The following GEMIN8 variants were observed in gnomAD, a reference collection of about 807,000 sequenced individuals.
The protein encoded by GEMIN8 is gem nuclear organelle associated protein 8.
For synonymous variants in GEMIN8, 80 were observed against 78.5 expected (o/e 1.02, Z -0.10); for missense variants, 185 against 205.9 (o/e 0.90, Z 0.62).
chrX:14,012,618 C>T (rs1165160467), intron 4 of GEMIN8, among the ~76,000 whole-genome samples: 1 of 111,835 alleles, frequency 8.9e-6, no homozygotes, highest in Non-Finnish European at 1.9e-5. Flanking sequence ...CACAGCTGTA[C>T]CCCCAGACCT....
At chrX:13,984,367 G>C in the GEMIN8 span, among the ~76,000 whole-genome samples, 1 of 112,408 alleles carries the variant, frequency 8.9e-6, no homozygotes, top group African/African-American at 3.2e-5. Flanking sequence ...TTCAGGGAAT[G>C]ATTTATCTCA....
chrX:14,003,480 T>C (rs1923040238), downstream of GEMIN8, among the ~76,000 whole-genome samples: 2 of 112,827 alleles, frequency 1.8e-5, no homozygotes, highest in Admixed American at 1.9e-4. Flanking sequence ...GGGTTTTTCT[T>C]GTTTTAAAAT....
the GEMIN8 span, among the ~76,000 whole-genome samples, chrX:13,992,039 T>G: frequency 8.9e-6 from 1 of 112,479 alleles, no homozygotes; most frequent in South Asian, 3.7e-4. Flanking sequence ...ACAGTACTCG[T>G]CTACTGGCCA....
At chrX:13,991,549 C>T in the GEMIN8 span, among the ~76,000 whole-genome samples, 2 of 111,455 alleles carry the variant, frequency 1.8e-5, no homozygotes, top group Non-Finnish European at 3.8e-5. Flanking sequence ...TATGCTAATG[C>T]CTGTTCTACC....
intron 2 of GEMIN8, among the ~76,000 whole-genome samples, chrX:14,025,335 TAA>T (rs1288683439): frequency 1.0e-5 from 1 of 99,021 alleles, no homozygotes. Context: ...TTCTTTGCTT[TAA>T]AAAAAAAAAA....
At position 14,008,825 on chromosome X, in the gene GEMIN8, C is replaced by A; in HGVS notation, c.*88G>T. The A allele has an allele frequency of 1.1e-6, 1 of 938,290 alleles. No individual in the cohort carries two copies. Among genetic ancestry groups the A allele is most frequent in the Non-Finnish European group, 1.5e-6 (1 of 666,537 alleles). The allele number at this position is 938,290 out of a possible 1,213,427, so 77.3% of individuals were successfully genotyped here. ...CATGCCTGTACCCCAGTACAAAGTC[C>A]CCTTTCCCTAAGAAATGTACAGAAG... On this transcript the variant is annotated 3_prime_UTR_variant, in exon 5 of 5. Transcript: ENST00000680255.
At chrX:14,022,709 CACT>C (rs1924452779) in intron 2 of GEMIN8, among the ~76,000 whole-genome samples, 1 of 111,471 alleles carries the variant, frequency 9.0e-6, no homozygotes, top group African/African-American at 3.3e-5. Flanking sequence ...GAGACAAAAC[CACT>C]AACACAATGT....
the GEMIN8 span, among the ~76,000 whole-genome samples, chrX:13,999,528 A>G: frequency 9.0e-6 from 1 of 111,381 alleles, no homozygotes; most frequent in Admixed American, 9.6e-5. Flanking sequence ...CGCCCGCCTC[A>G]GCCTCCCAAA....
chrX:14,026,176 G>A lies in GEMIN8; in HGVS notation c.-70C>T, dbSNP rs753508671. 42 of 750,586 alleles carry A rather than the reference G, an allele frequency of 5.6e-5. No individual in the cohort carries two copies. The highest frequency in any genetic ancestry group is 7.0e-5 in the African/African-American group (3 of 43,152). The allele number at this position is 750,586 out of a possible 1,213,427, so 61.9% of individuals were successfully genotyped here. Reference sequence around the variant, plus strand: ...TGTCTCCCACTCTTTTATGGCACAAGCCTTCAGGGACTGAACAGTAACTTT... The same window carrying A: ...TGTCTCCCACTCTTTTATGGCACAAACCTTCAGGGACTGAACAGTAACTTT... On this transcript the variant is annotated 5_prime_UTR_variant, in exon 2 of 5. Coordinates refer to ENST00000680255, the MANE Select transcript of GEMIN8 (RefSeq NM_001042479.2).
At chrX:14,025,971 C>T in intron 2 of GEMIN8, 169 bp downstream of exon 2, 4 of 519,339 alleles carry the variant, frequency 7.7e-6, no homozygotes, top group Non-Finnish European at 9.4e-6. Flanking sequence ...ACTTAAGGAG[C>T]TAATAAGAAT....
rs779033647 is a variant in GEMIN8, at chrX:14,020,314, T to C, written c.236A>G (p.His79Arg). Residue 79 changes from histidine to arginine, a missense_variant, in exon 4 of 5, where the codon CAT becomes CGT. Physicochemically the swap from His to Arg is conservative, Grantham distance 29. Coordinates refer to ENST00000680255, the MANE Select transcript of GEMIN8 (RefSeq NM_001042479.2). ...EAAYPQSFYDHHVAWQDYPCS... is the reference protein window; with the variant it reads ...EAAYPQSFYDRHVAWQDYPCS... ...GGGGTAGTCCTGCCAGGCCACATGA[T>C]GGTCATAGAAGGACTGAGGATACGC... 9.9e-6 allele frequency: 12 copies of C among 1,208,677 alleles called. No individual in the cohort carries two copies. Among genetic ancestry groups the C allele is most frequent in the East Asian group, 3.0e-5 (1 of 33,842 alleles).
At chrX:14,016,215 T>C (rs1428655007) in intron 4 of GEMIN8, among the ~76,000 whole-genome samples, 1 of 112,208 alleles carries the variant, frequency 8.9e-6, no homozygotes, top group East Asian at 2.8e-4. Flanking sequence ...GGGAAGGCTG[T>C]AGGAGCATGA....
At chrX:14,023,798 C>T (rs146848462) in intron 2 of GEMIN8, among the ~76,000 whole-genome samples, 1 of 112,438 alleles carries the variant, frequency 8.9e-6, no homozygotes, top group Admixed American at 9.4e-5. Context: ...TAACAAGCAG[C>T]ACAGGAATTA....
rs758284221 is a variant in GEMIN8 at position 14,008,814 on chromosome X, A to T, written c.*99T>A. 7.1e-6 allele frequency: 6 copies of T among 847,672 alleles called. No individual in the cohort carries two copies. Among genetic ancestry groups the T allele is most frequent in the Admixed American group, 5.2e-5 (2 of 38,237 alleles). The allele number at this position is 847,672 out of a possible 1,213,427, so 69.9% of individuals were successfully genotyped here. The stretch of plus-strand genomic sequence containing the variant: ...ACTGTGGTGAACATGCCTGTACCCC[A>T]GTACAAAGTCCCCTTTCCCTAAGAA... On this transcript the variant is annotated 3_prime_UTR_variant, in exon 5 of 5. Transcript: ENST00000680255.
At chrX:13,988,827 C>T in the GEMIN8 span, 13 of 100,893 alleles carry the variant, frequency 1.3e-4, no homozygotes, top group African/African-American at 4.8e-4. Flanking sequence ...TAAGAAGTCA[C>T]GCCTGTTTCA....
chrX:13,995,268 A>G, the GEMIN8 span, among the ~76,000 whole-genome samples: 1 of 111,993 alleles, frequency 8.9e-6, no homozygotes, highest in East Asian at 2.8e-4. Flanking sequence ...TCACCCCTCA[A>G]TGACGCTTTC....
intron 4 of GEMIN8, 42 bp downstream of exon 4, chrX:14,020,036 G>T: frequency 1.3e-6 from 1 of 769,349 alleles, no homozygotes; most frequent in Non-Finnish European, 1.9e-6. Context: ...TAAAAGGCAG[G>T]GCAAGGAAAG....
intron 4 of GEMIN8, among the ~76,000 whole-genome samples, chrX:14,016,058 C>T (rs1446293130): frequency 1.8e-5 from 2 of 111,722 alleles, no homozygotes; most frequent in African/African-American, 6.5e-5. Context: ...TGATCTATTG[C>T]CCATTATTTT....
At chrX:14,001,661 C>T in the GEMIN8 span, among the ~76,000 whole-genome samples, 1 of 112,032 alleles carries the variant, frequency 8.9e-6, no homozygotes, top group Non-Finnish European at 1.9e-5. Context: ...GCTGGGACTA[C>T]AGGTGTGCAC....
Sources: gnomAD v4.1 joint callset for allele counts (sites outside exome capture counted in the v4.1 genomes callset) on GRCh38, gnomAD v4.1.1 for gene constraint, MANE v1.5 for transcripts, NCBI Gene and HGNC (gene_info 2026-07-23, HGNC 2026-07-21) for gene names.